Variants in UNC13C observed in about 807,000 individuals in gnomAD.
The protein encoded by UNC13C is protein unc-13 homolog C.
Under a neutral mutation model 245.4 loss-of-function variants are expected in UNC13C, and 174 were observed. That is an observed-to-expected ratio of 0.71 (90% CI 0.63 to 0.80). The LOEUF is 0.80. Ranked by LOEUF, UNC13C falls within the 30% of genes least tolerant of loss-of-function variation. The probability of loss-of-function intolerance (pLI) is 0.00; values close to 1 mark genes in which losing one functional copy is unlikely to be tolerated. For synonymous variants in UNC13C, 992 were observed against 895.1 expected, an observed-to-expected ratio of 1.11 and a Z score of -1.93; for missense variants, 2,829 against 2,602.9, an observed-to-expected ratio of 1.09 and a Z score of -1.89.
chr15:54,328,216 T>C (rs2038347253), intron 14 of UNC13C, among the ~76,000 whole-genome samples: 1 of 152,142 alleles, frequency 6.6e-6, no homozygotes, highest in African/African-American at 2.4e-5. Context: ...AATAGTATGA[T>C]ATTTCTGTTG....
intron 18 of UNC13C, among the ~76,000 whole-genome samples, chr15:54,404,951 C>G (rs1317292719): frequency 2.0e-5 from 3 of 152,092 alleles, no homozygotes; most frequent in Non-Finnish European, 4.4e-5. Context: ...GACTAAATAC[C>G]TAGTAAGTAC....
intron 2 of UNC13C, among the ~76,000 whole-genome samples, chr15:54,027,488 G>T (rs948139589): frequency 6.6e-6 from 1 of 152,176 alleles, no homozygotes; most frequent in Non-Finnish European, 1.5e-5. Flanking sequence ...TCCTGCCTCA[G>T]CTTCCCAAGT....
intron 10 of UNC13C, among the ~76,000 whole-genome samples, chr15:54,288,263 C>T (rs949655986): frequency 7.9e-5 from 12 of 152,064 alleles, no homozygotes; most frequent in African/African-American, 2.2e-4. Context: ...AGATGAATTT[C>T]GTTTATCAGT....
chr15:54,323,529 G>A (rs2038220645), intron 14 of UNC13C, among the ~76,000 whole-genome samples: 2 of 151,960 alleles, frequency 1.3e-5, no homozygotes, highest in Non-Finnish European at 2.9e-5. Context: ...ATAAAAGATG[G>A]CAAGCCAGTT....
chr15:54,050,980 A>G (rs1897246744), intron 2 of UNC13C: 2 of 494,142 alleles, frequency 4.0e-6, no homozygotes, highest in South Asian at 3.1e-5. Context: ...CCAGTTACCA[A>G]GAAGCCTCTC....
chr15:53,998,429 T>C (rs543667270), intron 1 of UNC13C, among the ~76,000 whole-genome samples: 1 of 152,212 alleles, frequency 6.6e-6, no homozygotes, highest in Non-Finnish European at 1.5e-5. Context: ...AATTTTTTAC[T>C]GCTAGTAGTG....
chr15:53,970,760 T>C, the UNC13C span, among the ~76,000 whole-genome samples: 2 of 152,074 alleles, frequency 1.3e-5, no homozygotes, highest in African/African-American at 4.8e-5. Flanking sequence ...CGTTGATCTG[T>C]GCAGCAACCA....
intron 10 of UNC13C, among the ~76,000 whole-genome samples, chr15:54,275,422 T>C (rs577905590): frequency 2.4e-4 from 36 of 152,158 alleles, no homozygotes; most frequent in Non-Finnish European, 4.9e-4. Flanking sequence ...CTTTGTCCCC[T>C]AGTATTATTT....
At chr15:53,882,406 A>G in the UNC13C span, among the ~76,000 whole-genome samples, 4 of 152,262 alleles carry the variant, frequency 2.6e-5, no homozygotes, top group East Asian at 7.7e-4. Context: ...ATAATTCATT[A>G]TTTATGATAC....
At chr15:54,112,434 A>G (rs1258596547) in intron 2 of UNC13C, among the ~76,000 whole-genome samples, 1 of 152,208 alleles carries the variant, frequency 6.6e-6, no homozygotes, top group Non-Finnish European at 1.5e-5. Context: ...TGATGTTTAC[A>G]TAGTGCCTGA....
downstream of UNC13C, chr15:54,632,098 A>C (rs1407262458): frequency 1.3e-5 from 2 of 152,136 alleles, no homozygotes; most frequent in African/African-American, 4.8e-5. Flanking sequence ...AATAACATTG[A>C]GTATCTCTGT....
chr15:54,548,595 C>T lies in UNC13C; in HGVS notation c.5821-1040C>T, dbSNP rs16974767. Among the ~76,000 whole-genome samples the T allele has an allele frequency of 7.7e-3, 1,178 of 152,164 alleles. 19 individuals carry two copies. The highest frequency in any genetic ancestry group is 0.027 in the African/African-American group (1,119 of 41,516). On this transcript the variant is annotated intron_variant, in intron 27 of 32. Transcript: ENST00000260323. ...TTCTTTAGTAACAGAATTGCAAGGGCTTGGACTGTTCTGCCCATTGCTGTT... is the reference window on the plus strand; with the variant it reads ...TTCTTTAGTAACAGAATTGCAAGGGTTTGGACTGTTCTGCCCATTGCTGTT...
chr15:54,482,083 G>A (rs1893152066), intron 19 of UNC13C, among the ~76,000 whole-genome samples: 1 of 152,094 alleles, frequency 6.6e-6, no homozygotes, highest in South Asian at 2.1e-4. Flanking sequence ...TCTCATGGCA[G>A]CCTCTCTGGT....
At chr15:54,177,548 A>C (rs1040942919) in intron 4 of UNC13C, among the ~76,000 whole-genome samples, 1 of 152,154 alleles carries the variant, frequency 6.6e-6, no homozygotes, top group African/African-American at 2.4e-5. Flanking sequence ...AACCAGTGGA[A>C]AGGAATACCA....
At chr15:54,461,680 C>A (rs1199728042) in intron 19 of UNC13C, among the ~76,000 whole-genome samples, 1 of 152,002 alleles carries the variant, frequency 6.6e-6, no homozygotes, top group Non-Finnish European at 1.5e-5. Flanking sequence ...TTGAGTAAAT[C>A]AGGTAGGATT....
At chr15:53,955,096 G>T in the UNC13C span, among the ~76,000 whole-genome samples, 1 of 152,160 alleles carries the variant, frequency 6.6e-6, no homozygotes, top group African/African-American at 2.4e-5. Flanking sequence ...CCAGAATAGT[G>T]CCATTAAGTG....
chr15:54,323,588 C>CATGAGA (rs2038222657), intron 14 of UNC13C, among the ~76,000 whole-genome samples: 9 of 151,960 alleles, frequency 5.9e-5, no homozygotes, highest in Admixed American at 3.9e-4. Flanking sequence ...TTTTGTCTCT[C>CATGAGA]CTGCCTTACC....
At chr15:54,630,703 T>G (rs1013671927), downstream of UNC13C, 1 of 152,166 alleles carries the variant, frequency 6.6e-6, no homozygotes, top group African/African-American at 2.4e-5. Context: ...TTTGCTCTTT[T>G]GACTCCCCAG....
intron 13 of UNC13C, among the ~76,000 whole-genome samples, chr15:54,308,695 C>A (rs1048281029): frequency 2.0e-5 from 3 of 151,790 alleles, no homozygotes; most frequent in Non-Finnish European, 4.4e-5. Context: ...TACCATTTTA[C>A]TCTCTAATTC....
Sources: allele counts gnomAD v4.1 joint callset (sites outside exome capture counted in the v4.1 genomes callset), GRCh38; gene constraint gnomAD v4.1.1; transcripts MANE v1.5; gene names NCBI Gene and HGNC (gene_info 2026-07-23, HGNC 2026-07-21).